The following UBASH3B variants were observed in gnomAD, a reference collection of about 807,000 sequenced individuals.
The protein encoded by UBASH3B is ubiquitin-associated and SH3 domain-containing protein B.
Under a neutral mutation model 83.4 loss-of-function variants are expected in UBASH3B, and 37 were observed. The ratio of observed to expected loss-of-function variants is 0.44; its 90% CI spans 0.34 to 0.58. The LOEUF (loss-of-function observed/expected upper bound fraction) is 0.58. Ranked by LOEUF, UBASH3B falls within the 20% of genes least tolerant of loss-of-function variation. The pLI is 0.01. For synonymous variants in UBASH3B, 304 were observed against 318.3 expected (o/e 0.96, Z 0.48); for missense variants, 657 against 827.2 (o/e 0.79, Z 2.52).
At chr11:122,686,030 C>T (rs1044170566) in intron 1 of UBASH3B, among the ~76,000 whole-genome samples, 2 of 152,164 alleles carry the variant, frequency 1.3e-5, no homozygotes, top group African/African-American at 2.4e-5. Flanking sequence ...CCAGGCCTGC[C>T]TGGCGCTCTT....
chr11:122,753,134 T>C (rs375153576), intron 1 of UBASH3B, among the ~76,000 whole-genome samples: 2 of 145,848 alleles, frequency 1.4e-5, no homozygotes, highest in East Asian at 2.0e-4. Flanking sequence ...GTATGAACAC[T>C]AGAAAAAAAA....
At chr11:122,711,622 G>C (rs1036236683) in intron 1 of UBASH3B, among the ~76,000 whole-genome samples, 1 of 152,226 alleles carries the variant, frequency 6.6e-6, no homozygotes, top group African/African-American at 2.4e-5. Context: ...CCTGGCCTTG[G>C]CCTCATTACT....
chr11:122,700,857 CAGGTG>C (rs1383209340), intron 1 of UBASH3B, among the ~76,000 whole-genome samples: 5 of 152,122 alleles, frequency 3.3e-5, no homozygotes, highest in Non-Finnish European at 7.4e-5. Context: ...GTGTTTCTGA[CAGGTG>C]AGAGAACACT....
intron 11 of UBASH3B, among the ~76,000 whole-genome samples, chr11:122,801,554 G>A (rs1473171254): frequency 1.3e-5 from 2 of 152,134 alleles, no homozygotes; most frequent in African/African-American, 2.4e-5. Flanking sequence ...CCTCACCCCC[G>A]TGTTGGATTT....
chr11:122,793,662 T>C (rs1861099114), intron 6 of UBASH3B, among the ~76,000 whole-genome samples: 1 of 152,246 alleles, frequency 6.6e-6, no homozygotes, highest in South Asian at 2.1e-4. Context: ...AAGTCTTAAC[T>C]ATTGACAATA....
intron 1 of UBASH3B, among the ~76,000 whole-genome samples, chr11:122,684,565 T>C (rs768975112): frequency 6.6e-6 from 1 of 152,144 alleles, no homozygotes; most frequent in African/African-American, 2.4e-5. Context: ...TTTCCTGAAT[T>C]TGGAGAAGTA....
At chr11:122,731,393 G>A (rs555776152) in intron 1 of UBASH3B, among the ~76,000 whole-genome samples, 100 of 152,126 alleles carry the variant, frequency 6.6e-4, no homozygotes, top group South Asian at 1.2e-3. Context: ...AGAACTTTAC[G>A]TCTTCTCTTT....
chr11:122,783,188 T>C lies in UBASH3B; in HGVS notation c.737T>C (p.Ile246Thr). Residue 246 changes from isoleucine (I) to threonine (T), a missense_variant, in exon 5 of 14, where the codon ATA becomes ACA. Physicochemically the swap from Ile to Thr is moderately conservative, Grantham distance 89. Transcript: ENST00000284273. ...CTAGGGTGTGACTGGGTGGCTACCA[T>C]ATTTTCTCGGGATATCCGATTTGCT... ...VKLGCDWVAT[I>T]FSRDIRFANH... is the part of the protein sequence containing the mutation. The C allele has an allele frequency of 1.2e-6, 2 of 1,614,042 alleles. No homozygotes were observed. The highest frequency in any genetic ancestry group is 1.7e-6 in the Non-Finnish European group (2 of 1,179,978).
chr11:122,706,106 C>CTTTT (rs36055058), intron 1 of UBASH3B, among the ~76,000 whole-genome samples: 15 of 127,012 alleles, frequency 1.2e-4, no homozygotes, highest in African/African-American at 2.4e-4. Flanking sequence ...TCTTTTCTTT[C>CTTTT]TTTTTTTTTT....
At chr11:122,714,181 T>A (rs2361) in intron 1 of UBASH3B, among the ~76,000 whole-genome samples, 1 of 152,134 alleles carries the variant, frequency 6.6e-6, no homozygotes, top group Admixed American at 6.5e-5. Flanking sequence ...GTTTCTTTAG[T>A]GGGGCTCCCC....
intron 1 of UBASH3B, among the ~76,000 whole-genome samples, chr11:122,761,299 C>A (rs1861367242): frequency 6.6e-6 from 1 of 152,234 alleles, no homozygotes; most frequent in Admixed American, 6.5e-5. Context: ...TCTCTACCAA[C>A]AACCAAAAAT....
intron 4 of UBASH3B, among the ~76,000 whole-genome samples, chr11:122,782,036 T>A (rs1469106407): frequency 6.6e-6 from 1 of 152,186 alleles, no homozygotes; most frequent in Non-Finnish European, 1.5e-5. Context: ...TAGTTGCAAC[T>A]TCTTCATTAT....
chr11:122,658,478 G>T (rs1863392926), intron 1 of UBASH3B, among the ~76,000 whole-genome samples: 1 of 152,126 alleles, frequency 6.6e-6, no homozygotes, highest in South Asian at 2.1e-4. Context: ...TCTCCTAATA[G>T]CTAGCATGTA....
At chr11:122,773,363 G>A (rs1860680558) in intron 1 of UBASH3B, among the ~76,000 whole-genome samples, 1 of 152,232 alleles carries the variant, frequency 6.6e-6, no homozygotes, top group Non-Finnish European at 1.5e-5. Context: ...GTGGGTGAAG[G>A]GCCAGCAAGG....
chr11:122,750,649 A>G (rs1861185136), intron 1 of UBASH3B, among the ~76,000 whole-genome samples: 1 of 152,228 alleles, frequency 6.6e-6, no homozygotes. Flanking sequence ...GGTGGTTAAT[A>G]GCCGTTTTGC....
chr11:122,717,591 T>C (rs1860546412), intron 1 of UBASH3B, among the ~76,000 whole-genome samples: 1 of 152,160 alleles, frequency 6.6e-6, no homozygotes, highest in Non-Finnish European at 1.5e-5. Context: ...CTATAATTAG[T>C]TTCTCTGGTA....
chr11:122,763,406 C>T (rs977922331), intron 1 of UBASH3B, among the ~76,000 whole-genome samples: 3 of 152,160 alleles, frequency 2.0e-5, no homozygotes, highest in Admixed American at 2.0e-4. Context: ...CTAACCACCC[C>T]CTAAGGAGGG....
intron 1 of UBASH3B, among the ~76,000 whole-genome samples, chr11:122,674,379 CTTTTTTT>C (rs35529594): frequency 1.5e-5 from 2 of 133,210 alleles, no homozygotes; most frequent in Non-Finnish European, 1.6e-5. Flanking sequence ...CATTGTCTGT[CTTTTTTT>C]TTTTTTTTTT....
intron 1 of UBASH3B, among the ~76,000 whole-genome samples, chr11:122,770,647 T>C (rs1246987736): frequency 6.6e-6 from 1 of 152,192 alleles, no homozygotes; most frequent in Non-Finnish European, 1.5e-5. Context: ...TCTTTAATGA[T>C]ACCTGGTCCC....
Sources: allele counts gnomAD v4.1 joint callset (sites outside exome capture counted in the v4.1 genomes callset), GRCh38; gene constraint gnomAD v4.1.1; transcripts MANE v1.5; gene names NCBI Gene and HGNC (gene_info 2026-07-23, HGNC 2026-07-21).